Variants in SEM1 observed in about 807,000 individuals in gnomAD.
SEM1 encodes the protein 26S proteasome complex subunit SEM1.
In SEM1, 3 loss-of-function variants were observed where a neutral mutation model predicts 12.7. The observed-to-expected ratio is 0.24, with a 90% confidence interval of 0.11 to 0.61. The LOEUF (loss-of-function observed/expected upper bound fraction) is 0.61, where lower values mean the gene tolerates loss of function less well. Ranked by LOEUF, SEM1 falls within the 20% of genes least tolerant of loss-of-function variation. The probability of loss-of-function intolerance (pLI) is 0.88; values close to 1 mark genes in which losing one functional copy is unlikely to be tolerated. For missense variants in SEM1, 59 were observed against 81.3 expected (o/e 0.73, Z 1.06); for synonymous variants, 30 against 27.8 (o/e 1.08, Z -0.25).
intron 2 of SEM1, among the ~76,000 whole-genome samples, chr7:96,530,622 A>T (rs757715978): frequency 5.9e-5 from 9 of 152,126 alleles, no homozygotes; most frequent in Non-Finnish European, 1.2e-4. Context: ...TGTCCCAGTG[A>T]TGCCTCATTC....
intron 1 of SEM1, among the ~76,000 whole-genome samples, chr7:96,706,600 GAGAGA>G (rs1424422878): frequency 2.1e-5 from 3 of 142,410 alleles, no homozygotes; most frequent in Non-Finnish European, 4.6e-5. Flanking sequence ...AAAAAAGAGA[GAGAGA>G]AGAAACAATA....
At chr7:96,552,804 C>G (rs1220054931) in intron 2 of SEM1, among the ~76,000 whole-genome samples, 1 of 151,918 alleles carries the variant, frequency 6.6e-6, no homozygotes, top group Non-Finnish European at 1.5e-5. Context: ...AGTTTACAGT[C>G]CCACCAACAG....
At chr7:96,545,911 A>G (rs1472290171) in intron 2 of SEM1, among the ~76,000 whole-genome samples, 1 of 152,088 alleles carries the variant, frequency 6.6e-6, no homozygotes, top group African/African-American at 2.4e-5. Context: ...TCAGCTGAGG[A>G]GTTTGAAGAG....
intron 2 of SEM1, among the ~76,000 whole-genome samples, chr7:96,529,367 T>C (rs1297611125): frequency 1.3e-5 from 2 of 152,152 alleles, no homozygotes; most frequent in Admixed American, 6.5e-5. Context: ...ATATCAAAAG[T>C]AGCTTATTTA....
rs572395293 is a variant in SEM1 at position 96,612,341 on chromosome 7, G to A, written c.170+82457C>T. 7.7e-4 allele frequency among the ~76,000 whole-genome samples: 117 copies of A among 152,318 alleles called. 1 individual carries two copies. The highest frequency in any genetic ancestry group is 1.4e-3 in the Non-Finnish European group (95 of 68,030). ...CAACCAAGACATAGAATGGGCTGCT[G>A]TGACTTTCTTCTCTGGGTTAAGCCT... is the stretch of plus-strand genomic sequence containing the variant. On this transcript the variant is annotated intron_variant and NMD_transcript_variant, in intron 2 of 3. Transcript: ENST00000466986.
chr7:96,638,598 C>G (rs1370215679), intron 2 of SEM1, among the ~76,000 whole-genome samples: 1 of 151,816 alleles, frequency 6.6e-6, no homozygotes, highest in Non-Finnish European at 1.5e-5. Context: ...TATCTAGTAA[C>G]ATAATTACAA....
At chr7:96,533,513 T>A (rs7776689) in intron 2 of SEM1, among the ~76,000 whole-genome samples, 1 of 151,858 alleles carries the variant, frequency 6.6e-6, no homozygotes, top group Non-Finnish European at 1.5e-5. Context: ...ATGGTTACTT[T>A]TTTCTTAGCT....
chr7:96,550,641 C>T (rs1805239333), intron 2 of SEM1, among the ~76,000 whole-genome samples: 1 of 152,064 alleles, frequency 6.6e-6, no homozygotes, highest in South Asian at 2.1e-4. Flanking sequence ...AAATTATTTG[C>T]TTTTAAAAAT....
chr7:96,566,980 G>C (rs980431156), intron 2 of SEM1, among the ~76,000 whole-genome samples: 1 of 151,448 alleles, frequency 6.6e-6, no homozygotes, highest in African/African-American at 2.4e-5. Flanking sequence ...TCTTCCTTTG[G>C]TCTATTGTGT....
intron 3 of SEM1, among the ~76,000 whole-genome samples, chr7:96,501,596 T>G (rs923067426): frequency 2.0e-5 from 3 of 152,192 alleles, no homozygotes; most frequent in African/African-American, 7.2e-5. Flanking sequence ...CAACCTGTCA[T>G]TGAGCACACT....
intron 2 of SEM1, among the ~76,000 whole-genome samples, chr7:96,507,563 G>C (rs1256426572): frequency 1.3e-5 from 2 of 152,084 alleles, no homozygotes; most frequent in Non-Finnish European, 2.9e-5. Flanking sequence ...TCAGCCCAGT[G>C]CTGGACCTCT....
chr7:96,535,969 C>T (rs1393138344), intron 2 of SEM1, among the ~76,000 whole-genome samples: 1 of 151,744 alleles, frequency 6.6e-6, no homozygotes, highest in Admixed American at 6.6e-5. Context: ...CATTTGGGTA[C>T]ATATCCGGGA....
At chr7:96,706,829 A>G (rs4559174) in intron 1 of SEM1, among the ~76,000 whole-genome samples, 3 of 152,150 alleles carry the variant, frequency 2.0e-5, no homozygotes, top group Non-Finnish European at 2.9e-5. Flanking sequence ...CTGACACTCA[A>G]CAAAGCGTTT....
At chr7:96,611,187 A>T (rs1444788850) in intron 2 of SEM1, among the ~76,000 whole-genome samples, 1 of 152,162 alleles carries the variant, frequency 6.6e-6, no homozygotes, top group Non-Finnish European at 1.5e-5. Flanking sequence ...CCTTTTCTCC[A>T]TTAAGATGGT....
At chr7:96,562,124 G>A (rs1369609295) in intron 2 of SEM1, among the ~76,000 whole-genome samples, 1 of 152,166 alleles carries the variant, frequency 6.6e-6, no homozygotes. Flanking sequence ...TCGAGTTAAA[G>A]TTTAGAGAGA....
intron 2 of SEM1, among the ~76,000 whole-genome samples, chr7:96,643,627 A>G (rs1295477344): frequency 6.6e-6 from 1 of 152,160 alleles, no homozygotes; most frequent in Non-Finnish European, 1.5e-5. Context: ...ATGCAGCCAT[A>G]AAAAAGGACG....
chr7:96,553,876 A>G (rs1483280956), intron 2 of SEM1, among the ~76,000 whole-genome samples: 1 of 152,134 alleles, frequency 6.6e-6, no homozygotes, highest in Non-Finnish European at 1.5e-5. Flanking sequence ...TTCATTAAGC[A>G]GTGGTTTGTA....
At chr7:96,503,604 T>G (rs1360756098) in intron 3 of SEM1, 2 of 152,160 alleles carry the variant, frequency 1.3e-5, no homozygotes, top group Non-Finnish European at 2.9e-5. Context: ...CTCTTAGATA[T>G]CTGGTGTGCT....
In SEM1 at chr7:96,551,013, A is replaced by AC. The variant is rs1805251525; in HGVS notation, c.171-44316_171-44315insG. Among the ~76,000 whole-genome samples the AC allele has an allele frequency of 2.0e-5, 3 of 152,338 alleles. No individual in the cohort carries two copies. The East Asian group carries it at 5.8e-4, about 29-fold the overall frequency. On this transcript the variant is annotated intron_variant and NMD_transcript_variant, in intron 2 of 3. Coordinates refer to the SEM1 transcript ENST00000466986. ...TGTGCATCAGTTCAGGTCCTCTGAGAAACACTCACCAAGAAGAGATAGACA... is the reference window on the plus strand; with the variant it reads ...TGTGCATCAGTTCAGGTCCTCTGAGACAACACTCACCAAGAAGAGATAGACA...
Sources: gnomAD v4.1 joint callset for allele counts (sites outside exome capture counted in the v4.1 genomes callset) on GRCh38, gnomAD v4.1.1 for gene constraint, MANE v1.5 for transcripts, NCBI Gene and HGNC (gene_info 2026-07-23, HGNC 2026-07-21) for gene names.